VCF1: variants seen among roughly 807,000 people sequenced by gnomAD.
VCF1 encodes protein VCF1.
chr17:73,215,030 G>A, the VCF1 span, among the ~76,000 whole-genome samples: 1 of 152,170 alleles, frequency 6.6e-6, no homozygotes, highest in Admixed American at 6.5e-5. Flanking sequence ...AGAGAATAAA[G>A]CTGCGTGTGA....
chr17:73,210,811 G>T, the VCF1 span, among the ~76,000 whole-genome samples: 1 of 148,860 alleles, frequency 6.7e-6, no homozygotes, highest in African/African-American at 2.5e-5. Context: ...TGTTGCTCAG[G>T]CTGGTCTCCA....
At chr17:73,232,193 A>C in the VCF1 span, 2 of 1,606,910 alleles carry the variant, frequency 1.2e-6, no homozygotes, top group Middle Eastern at 1.7e-4. Context: ...CGCCACGCCC[A>C]CCCCCTCGGG....
the VCF1 span, chr17:73,212,684 G>C: frequency 4.4e-6 from 7 of 1,596,450 alleles, no homozygotes; most frequent in Admixed American, 1.0e-4. Context: ...CCACCGCGCA[G>C]AACGCTTTGT....
At chr17:73,222,596 C>A in the VCF1 span, among the ~76,000 whole-genome samples, 15 of 151,252 alleles carry the variant, frequency 9.9e-5, 1 homozygote, top group South Asian at 2.7e-3. Flanking sequence ...TGGCCAACAT[C>A]GTGAAACCCA....
chr17:73,222,205 A>C, the VCF1 span, among the ~76,000 whole-genome samples: 3 of 151,622 alleles, frequency 2.0e-5, no homozygotes, highest in Non-Finnish European at 4.4e-5. Context: ...CTCAAAAAAA[A>C]AAAAAAAATT....
At chr17:73,225,376 T>A in the VCF1 span, among the ~76,000 whole-genome samples, 7 of 151,672 alleles carry the variant, frequency 4.6e-5, no homozygotes, top group African/African-American at 1.7e-4. Flanking sequence ...AAATAAAATT[T>A]AAAAATCTAC....
the VCF1 span, chr17:73,207,633 T>C: frequency 8.6e-7 from 1 of 1,166,712 alleles, no homozygotes; most frequent in Admixed American, 2.3e-5. Context: ...TTTAGTTGGG[T>C]GGGAAGTAAC....
the VCF1 span, among the ~76,000 whole-genome samples, chr17:73,213,791 G>A: frequency 2.6e-5 from 4 of 152,074 alleles, no homozygotes; most frequent in African/African-American, 9.7e-5. Context: ...CCAACATGGC[G>A]AAACCGCGTC....
chr17:73,209,533 G>A, the VCF1 span: 4 of 1,581,452 alleles, frequency 2.5e-6, no homozygotes, highest in East Asian at 6.9e-5. Context: ...GGCACATCAT[G>A]TCAGAGGCCG....
the VCF1 span, chr17:73,229,108 T>C: frequency 1.0e-6 from 1 of 981,038 alleles, no homozygotes; most frequent in Non-Finnish European, 1.2e-6. Context: ...TTTCAACTAA[T>C]CTCTGGGAGA....
At chr17:73,225,964 C>T in the VCF1 span, among the ~76,000 whole-genome samples, 7 of 144,552 alleles carry the variant, frequency 4.8e-5, no homozygotes, top group African/African-American at 7.8e-5. Flanking sequence ...TAAAACGGCA[C>T]GATCTCAGCT....
chr17:73,215,766 G>C, the VCF1 span, among the ~76,000 whole-genome samples: 2 of 152,302 alleles, frequency 1.3e-5, no homozygotes, highest in African/African-American at 2.4e-5. Context: ...GAAAATGGTG[G>C]CACCATACCC....
chr17:73,211,705 C>CA, the VCF1 span, among the ~76,000 whole-genome samples: 1 of 151,864 alleles, frequency 6.6e-6, no homozygotes, highest in South Asian at 2.1e-4. Flanking sequence ...ACTAAAAACA[C>CA]AAAAATTAGC....
At chr17:73,209,297 A>C in the VCF1 span, 14 of 574,748 alleles carry the variant, frequency 2.4e-5, no homozygotes, top group East Asian at 6.0e-5. Flanking sequence ...TAGATTTGAT[A>C]CCCTCCCTCA....
chr17:73,229,614 C>A, the VCF1 span: 1 of 983,168 alleles, frequency 1.0e-6, no homozygotes, highest in Non-Finnish European at 1.2e-6. Context: ...ACCTGTAATC[C>A]CAGCACTTTG....
chr17:73,219,173 A>AGAGCG, the VCF1 span, among the ~76,000 whole-genome samples: 1 of 149,684 alleles, frequency 6.7e-6, no homozygotes, highest in Non-Finnish European at 1.5e-5. Flanking sequence ...CCTGGGCAAC[A>AGAGCG]AGAGAAAAAC....
chr17:73,225,429 A>T, the VCF1 span, among the ~76,000 whole-genome samples: 2 of 152,032 alleles, frequency 1.3e-5, no homozygotes, highest in African/African-American at 4.8e-5. Context: ...TAATTTTTTT[A>T]AAAAAGGATG....
At chr17:73,223,908 G>A in the VCF1 span, among the ~76,000 whole-genome samples, 1 of 151,916 alleles carries the variant, frequency 6.6e-6, no homozygotes, top group Non-Finnish European at 1.5e-5. Flanking sequence ...TTGAGCCCAG[G>A]AGGTTGAGGC....
chr17:73,209,620 G>A, the VCF1 span: 21 of 1,570,204 alleles, frequency 1.3e-5, no homozygotes, highest in Admixed American at 5.7e-5. Flanking sequence ...TTGGCACAGC[G>A]CGGACTGCTC....
Sources: allele counts gnomAD v4.1 joint callset (sites outside exome capture counted in the v4.1 genomes callset), GRCh38; gene constraint gnomAD v4.1.1; transcripts MANE v1.5; gene names NCBI Gene and HGNC (gene_info 2026-07-23, HGNC 2026-07-21).